BTBD7: variants seen among roughly 807,000 people sequenced by gnomAD.
BTBD7 encodes the protein BTB domain containing 7, also known as BTB/POZ domain-containing protein 7.
In BTBD7, 38 loss-of-function variants were observed where a neutral mutation model predicts 99.9. That is an observed-to-expected ratio of 0.38 (90% CI 0.29 to 0.50). BTBD7 has a LOEUF of 0.50. BTBD7 is among the 20% of genes least tolerant of loss of function. The probability of loss-of-function intolerance (pLI) is 0.93; values close to 1 mark genes in which losing one functional copy is unlikely to be tolerated. For missense variants in BTBD7, 1,170 were observed against 1,394.6 expected, an observed-to-expected ratio of 0.84 and a Z score of 2.57; for synonymous variants, 520 against 511.4, an observed-to-expected ratio of 1.02 and a Z score of -0.23.
chr14:93,304,214 A>G (rs1219922686), intron 1 of BTBD7, among the ~76,000 whole-genome samples: 3 of 152,204 alleles, frequency 2.0e-5, no homozygotes, highest in Non-Finnish European at 4.4e-5. Flanking sequence ...CCGGCACACA[A>G]TATTTTATTG....
intron 3 of BTBD7, among the ~76,000 whole-genome samples, chr14:93,292,571 A>G (rs1219233226): frequency 1.3e-5 from 2 of 152,216 alleles, no homozygotes; most frequent in African/African-American, 4.8e-5. Flanking sequence ...AAGATTCTTT[A>G]TGTAAAAGAA....
At chr14:93,262,235 C>T (rs1473133316) in intron 4 of BTBD7, among the ~76,000 whole-genome samples, 2 of 151,838 alleles carry the variant, frequency 1.3e-5, no homozygotes, top group African/African-American at 4.8e-5. Flanking sequence ...CAGGTTCACG[C>T]CATTCTCCTG....
intron 10 of BTBD7, 26 bp downstream of exon 10, chr14:93,245,799 A>T: frequency 6.3e-7 from 1 of 1,591,904 alleles, no homozygotes; most frequent in South Asian, 1.1e-5. Flanking sequence ...CCGAATTTGA[A>T]GCAAGTTACT....
intron 6 of BTBD7, chr14:93,256,273 C>T (rs936456786): frequency 1.3e-5 from 2 of 151,914 alleles, no homozygotes; most frequent in African/African-American, 4.8e-5. Context: ...TTCCAGAAGA[C>T]TTTTATAATG....
chr14:93,295,700 G>A (rs148612440), intron 2 of BTBD7, among the ~76,000 whole-genome samples: 3 of 152,324 alleles, frequency 2.0e-5, no homozygotes, highest in Admixed American at 1.3e-4. Flanking sequence ...GTACTTCGCT[G>A]TTTTAACACC....
chr14:93,288,845 C>T, intron 3 of BTBD7: 1 of 1,285,364 alleles, frequency 7.8e-7, no homozygotes, highest in Non-Finnish European at 1.0e-6. Flanking sequence ...ACTCCAGTTT[C>T]TTCTTGTATT....
intron 3 of BTBD7, among the ~76,000 whole-genome samples, chr14:93,283,742 G>GAA (rs2052747530): frequency 6.6e-6 from 1 of 152,106 alleles, no homozygotes; most frequent in African/African-American, 2.4e-5. Context: ...AGTAGAGATG[G>GAA]GGTTTCACTA....
intron 1 of BTBD7, among the ~76,000 whole-genome samples, chr14:93,310,770 CTTTTTTTT>C (rs56756515): frequency 8.6e-6 from 1 of 116,672 alleles, no homozygotes; most frequent in African/African-American, 3.6e-5. Flanking sequence ...AACCAAAAAA[CTTTTTTTT>C]TTTTTTTTTT....
At chr14:93,246,308 A>G in intron 9 of BTBD7, 22 bp from the exon 10 acceptor site, 1 of 1,485,476 alleles carries the variant, frequency 6.7e-7, no homozygotes, top group Non-Finnish European at 8.9e-7. Context: ...TAAAAAAAAA[A>G]AAAAAGGACA....
At chr14:93,328,424 G>A (rs2053358216) in intron 1 of BTBD7, among the ~76,000 whole-genome samples, 1 of 151,992 alleles carries the variant, frequency 6.6e-6, no homozygotes, top group African/African-American at 2.4e-5. Flanking sequence ...TGGACCAATG[G>A]AATAGAATAC....
intron 7 of BTBD7, among the ~76,000 whole-genome samples, chr14:93,251,933 TAC>T (rs1460055436): frequency 4.6e-5 from 7 of 152,158 alleles, no homozygotes; most frequent in African/African-American, 1.7e-4. Context: ...AGAAATAAAT[TAC>T]ACACAATATT....
chr14:93,253,614 A>G (rs2052392745), intron 7 of BTBD7, 33 bp downstream of exon 7: 1 of 1,583,864 alleles, frequency 6.3e-7, no homozygotes, highest in African/African-American at 1.3e-5. Context: ...TTTGTAATAA[A>G]GTAGTCTACT....
At chr14:93,323,191 T>C (rs1236003611) in intron 1 of BTBD7, among the ~76,000 whole-genome samples, 1 of 152,098 alleles carries the variant, frequency 6.6e-6, no homozygotes, top group African/African-American at 2.4e-5. Flanking sequence ...GAGGATCGCT[T>C]GAGCCCAGGA....
intron 10 of BTBD7, among the ~76,000 whole-genome samples, chr14:93,244,970 C>T (rs1335871812): frequency 6.6e-6 from 1 of 150,894 alleles, no homozygotes. Flanking sequence ...AGTGATTGTC[C>T]CACCTTAGCC....
At chr14:93,308,425 A>G (rs990223219) in intron 1 of BTBD7, among the ~76,000 whole-genome samples, 13 of 152,238 alleles carry the variant, frequency 8.5e-5, no homozygotes, top group Admixed American at 5.2e-4. Flanking sequence ...CATAAGCAAT[A>G]AAGTAAATAA....
At chr14:93,274,099 C>T (rs976012580) in intron 3 of BTBD7, among the ~76,000 whole-genome samples, 3 of 152,208 alleles carry the variant, frequency 2.0e-5, no homozygotes, top group Non-Finnish European at 4.4e-5. Context: ...CTGGCTCACA[C>T]CTAGTAGGCT....
At chr14:93,281,104 G>A (rs1026568994) in intron 3 of BTBD7, among the ~76,000 whole-genome samples, 2 of 151,408 alleles carry the variant, frequency 1.3e-5, no homozygotes, top group Non-Finnish European at 2.9e-5. Flanking sequence ...TTGGGCTCTT[G>A]ATCCTCCCAC....
chr14:93,274,766 A>G (rs917659315), intron 3 of BTBD7, among the ~76,000 whole-genome samples: 2 of 152,242 alleles, frequency 1.3e-5, no homozygotes, highest in Non-Finnish European at 2.9e-5. Flanking sequence ...CCAGGCTAAG[A>G]AAGAGCAGAT....
chr14:93,283,325 G>A (rs1595308937), intron 3 of BTBD7, among the ~76,000 whole-genome samples: 4 of 152,160 alleles, frequency 2.6e-5, no homozygotes, highest in Admixed American at 1.3e-4. Context: ...CTATCCATCC[G>A]CCATGGCCTC....
Sources: allele counts gnomAD v4.1 joint callset (sites outside exome capture counted in the v4.1 genomes callset), GRCh38; gene constraint gnomAD v4.1.1; transcripts MANE v1.5; gene names NCBI Gene and HGNC (gene_info 2026-07-23, HGNC 2026-07-21).